Variants in GABRA3 observed in about 807,000 individuals in gnomAD.
GABRA3 encodes the protein gamma-aminobutyric acid receptor subunit alpha-3.
A neutral mutation model predicts 30.1 loss-of-function variants in GABRA3; 10 were observed. The observed-to-expected ratio is 0.33, with a 90% CI of 0.20 to 0.56. The LOEUF (loss-of-function observed/expected upper bound fraction) is 0.56, where lower values mean the gene tolerates loss of function less well. GABRA3 is among the 20% of genes least tolerant of loss of function. The pLI is 0.89. For missense variants in GABRA3, 233 were observed against 392.0 expected (o/e 0.59, Z 3.42); for synonymous variants, 151 against 146.8 (o/e 1.03, Z -0.21).
At chrX:152,249,076 G>A (rs1175550355) in intron 5 of GABRA3, among the ~76,000 whole-genome samples, 2 of 110,940 alleles carry the variant, frequency 1.8e-5, no homozygotes, top group Admixed American at 9.6e-5. Flanking sequence ...AAATAGGTAT[G>A]CTATTTGGCT....
chrX:152,243,935 T>G (rs1282918263), intron 5 of GABRA3, among the ~76,000 whole-genome samples: 2 of 112,228 alleles, frequency 1.8e-5, no homozygotes, highest in Non-Finnish European at 3.8e-5. Context: ...AGAGACAAAT[T>G]AGTGACTTGG....
intron 5 of GABRA3, among the ~76,000 whole-genome samples, chrX:152,228,510 C>T (rs1938007397): frequency 9.0e-6 from 1 of 111,511 alleles, no homozygotes. Flanking sequence ...AGTAATTTCC[C>T]CTTGGCATTA....
intron 1 of GABRA3, among the ~76,000 whole-genome samples, chrX:152,412,803 T>C (rs1296032640): frequency 9.0e-6 from 1 of 111,083 alleles, no homozygotes; most frequent in Non-Finnish European, 1.9e-5. Flanking sequence ...TGCACAACAA[T>C]GTGAATGTAT....
intron 3 of GABRA3, among the ~76,000 whole-genome samples, chrX:152,310,855 A>T (rs192011363): frequency 1.8e-5 from 2 of 111,514 alleles, no homozygotes; most frequent in East Asian, 5.6e-4. Flanking sequence ...CCATATGAAT[A>T]CTATCAGAAA....
chrX:152,295,801 C>A (rs771345687), intron 3 of GABRA3, among the ~76,000 whole-genome samples: 1 of 112,493 alleles, frequency 8.9e-6, no homozygotes, highest in African/African-American at 3.2e-5. Context: ...GAGCTGCAGA[C>A]TGGAGCTGTT....
intron 1 of GABRA3, among the ~76,000 whole-genome samples, chrX:152,426,026 G>A (rs1275326076): frequency 1.8e-5 from 2 of 110,940 alleles, no homozygotes; most frequent in Non-Finnish European, 3.8e-5. Context: ...ATTTATTTAT[G>A]TAATTAAAAT....
intron 5 of GABRA3, among the ~76,000 whole-genome samples, chrX:152,232,287 G>C (rs1256803194): frequency 9.1e-6 from 1 of 110,128 alleles, no homozygotes; most frequent in East Asian, 2.9e-4. Flanking sequence ...GTAGATTTAG[G>C]GGGTACAAGT....
At chrX:152,287,269 A>G (rs1298772472) in intron 3 of GABRA3, among the ~76,000 whole-genome samples, 1 of 111,590 alleles carries the variant, frequency 9.0e-6, no homozygotes, top group Non-Finnish European at 1.9e-5. Context: ...GGAAAAGTCT[A>G]TAAAATTTAT....
chrX:152,388,275 T>C (rs1440759261), intron 1 of GABRA3, among the ~76,000 whole-genome samples: 1 of 111,900 alleles, frequency 8.9e-6, no homozygotes, highest in Non-Finnish European at 1.9e-5. Flanking sequence ...AAACAAATAT[T>C]ATCAAAGAGA....
At chrX:152,183,311 A>G (rs772719201) in intron 9 of GABRA3, among the ~76,000 whole-genome samples, 1 of 110,515 alleles carries the variant, frequency 9.0e-6, no homozygotes, top group African/African-American at 3.3e-5. Context: ...CTAGGAATTT[A>G]TCTATTATTT....
intron 1 of GABRA3, among the ~76,000 whole-genome samples, chrX:152,421,106 C>CAT (rs1228301501): frequency 2.1e-3 from 211 of 102,828 alleles, no homozygotes; most frequent in African/African-American, 7.0e-3. Flanking sequence ...TATACACACA[C>CAT]ACACACACAC....
At chrX:152,421,127 ACACAC>A (rs1335440916) in intron 1 of GABRA3, among the ~76,000 whole-genome samples, 50 of 108,420 alleles carry the variant, frequency 4.6e-4, no homozygotes, top group African/African-American at 1.6e-3. Context: ...ACACACACAC[ACACAC>A]AAGGCACCTA....
At chrX:152,275,022 T>A (rs1418065373) in intron 4 of GABRA3, among the ~76,000 whole-genome samples, 1 of 97,991 alleles carries the variant, frequency 1.0e-5, no homozygotes, top group Non-Finnish European at 2.0e-5. Context: ...GTGGCATATG[T>A]TTTACATATA....
intron 1 of GABRA3, among the ~76,000 whole-genome samples, chrX:152,378,952 C>A (rs1463035831): frequency 1.8e-5 from 2 of 111,171 alleles, no homozygotes; most frequent in African/African-American, 3.3e-5. Context: ...TTCTATACAC[C>A]TAATAATGAA....
At chrX:152,319,575 A>G (rs1246011469) in intron 3 of GABRA3, among the ~76,000 whole-genome samples, 1 of 111,944 alleles carries the variant, frequency 8.9e-6, no homozygotes, top group Non-Finnish European at 1.9e-5. Flanking sequence ...AGGAAAATCA[A>G]CTCAACATGG....
At chrX:152,417,419 T>C (rs1472033719) in intron 1 of GABRA3, among the ~76,000 whole-genome samples, 2 of 110,503 alleles carry the variant, frequency 1.8e-5, no homozygotes, top group African/African-American at 6.6e-5. Context: ...ACTTTTACAC[T>C]GTTGGTGGGA....
intron 9 of GABRA3, among the ~76,000 whole-genome samples, chrX:152,177,565 TG>T (rs1246511261): frequency 1.2e-5 from 1 of 85,165 alleles, no homozygotes; most frequent in Non-Finnish European, 2.3e-5. Flanking sequence ...ACTGTTTTTC[TG>T]AAAAAAAAAA....
At chrX:152,237,342 T>G (rs1329239446) in intron 5 of GABRA3, among the ~76,000 whole-genome samples, 1 of 107,935 alleles carries the variant, frequency 9.3e-6, no homozygotes, top group African/African-American at 3.4e-5. Context: ...TCTGTTCTGT[T>G]CCATTGATCT....
chrX:152,199,778 A>C (rs1937454853), intron 7 of GABRA3, among the ~76,000 whole-genome samples: 1 of 109,488 alleles, frequency 9.1e-6, no homozygotes, highest in South Asian at 4.1e-4. Context: ...TCTCAACCCC[A>C]CCGTGTTCTG....
Sources: gnomAD v4.1 joint callset for allele counts (sites outside exome capture counted in the v4.1 genomes callset) on GRCh38, gnomAD v4.1.1 for gene constraint, MANE v1.5 for transcripts, NCBI Gene and HGNC (gene_info 2026-07-23, HGNC 2026-07-21) for gene names.